ZFHX3: variants seen among roughly 807,000 people sequenced by gnomAD.
ZFHX3 encodes zinc finger homeobox 3.
A neutral mutation model predicts 279.1 loss-of-function variants in ZFHX3; 42 were observed. The ratio of observed to expected loss-of-function variants is 0.15; its 90% CI spans 0.12 to 0.19. The LOEUF (loss-of-function observed/expected upper bound fraction) is 0.19, where lower values mean the gene tolerates loss of function less well. ZFHX3 is among the 10% of genes least tolerant of loss of function. ZFHX3 has a pLI of 1.00. For synonymous variants in ZFHX3, 2,293 were observed against 1,957.8 expected (o/e 1.17, Z -4.52); for missense variants, 4,981 against 4,754.0 (o/e 1.05, Z -1.40).
At chr16:73,592,092 C>T (rs375931486) in intron 2 of ZFHX3, among the ~76,000 whole-genome samples, 5 of 151,706 alleles carry the variant, frequency 3.3e-5, no homozygotes, top group Non-Finnish European at 7.4e-5. Context: ...ATTAGCTGGG[C>T]GTGGTGGTGC....
chr16:73,774,943 A>G lies in ZFHX3; in HGVS notation c.-1607-94703T>C, dbSNP rs139996229. ...TTCAAAATTCATCTTACATCCTTTTACGTCTCCCTATCTCCAATCCAGGAC... is the reference window on the plus strand; with the variant it reads ...TTCAAAATTCATCTTACATCCTTTTGCGTCTCCCTATCTCCAATCCAGGAC... On this transcript the variant is annotated intron_variant, in intron 1 of 17. Coordinates refer to the ZFHX3 transcript ENST00000641206. Among the ~76,000 whole-genome samples the G allele has an allele frequency of 6.7e-3, 1,014 of 152,164 alleles. 11 individuals are homozygous for G. The highest frequency in any genetic ancestry group is 0.023 in the African/African-American group (956 of 41,512).
chr16:73,356,039 T>C (rs911011995), intron 3 of ZFHX3, among the ~76,000 whole-genome samples: 3 of 152,174 alleles, frequency 2.0e-5, no homozygotes, highest in Non-Finnish European at 4.4e-5. Flanking sequence ...TTAGAATTCA[T>C]CCCAGAGACC....
At chr16:73,172,088 C>A (rs1967540768) in intron 5 of ZFHX3, among the ~76,000 whole-genome samples, 1 of 152,224 alleles carries the variant, frequency 6.6e-6, no homozygotes, top group South Asian at 2.1e-4. Flanking sequence ...CTCCTCCACC[C>A]GCCTGCCGGG....
intron 4 of ZFHX3, among the ~76,000 whole-genome samples, chr16:72,870,681 G>A (rs1402605832): frequency 2.3e-5 from 3 of 133,284 alleles, no homozygotes; most frequent in African/African-American, 8.9e-5. Flanking sequence ...TCGCACCACT[G>A]CACTCCAGCC....
At chr16:72,912,144 C>T (rs1483191458) in intron 3 of ZFHX3, among the ~76,000 whole-genome samples, 29 of 152,222 alleles carry the variant, frequency 1.9e-4, no homozygotes, top group South Asian at 2.1e-4. Context: ...GCAGCCCAGA[C>T]GCTGGCTGAA....
intron 1 of ZFHX3, among the ~76,000 whole-genome samples, chr16:73,686,458 C>A (rs574227432): frequency 1.3e-5 from 2 of 152,278 alleles, no homozygotes; most frequent in East Asian, 3.9e-4. Context: ...GGGTGTCTTG[C>A]ATAACACGTT....
intron 3 of ZFHX3, among the ~76,000 whole-genome samples, chr16:73,380,246 GC>G (rs1330671446): frequency 6.6e-6 from 1 of 152,146 alleles, no homozygotes; most frequent in African/African-American, 2.4e-5. Flanking sequence ...GGAAAAAAGA[GC>G]TTAAAATACA....
intron 3 of ZFHX3, among the ~76,000 whole-genome samples, chr16:73,427,435 G>C (rs1350360703): frequency 6.6e-6 from 1 of 152,160 alleles, no homozygotes; most frequent in Non-Finnish European, 1.5e-5. Context: ...CTGCCACCCA[G>C]CTCGCTAACG....
In ZFHX3 at chr16:73,812,865, G is replaced by A. The variant is rs185225185; in HGVS notation, c.-1608+78786C>T. On this transcript the variant is annotated intron_variant, in intron 1 of 17. Coordinates refer to the ZFHX3 transcript ENST00000641206. ...CTCTTTGGGCAAACTCCCAATATGG[G>A]AGCAGCCTTAATCTCCTTATGCCTG... is the stretch of plus-strand genomic sequence containing the variant. 2.6e-5 allele frequency among the ~76,000 whole-genome samples: 4 copies of A among 152,300 alleles called. No individual in the cohort carries two copies. The East Asian group carries it at 7.7e-4, about 29-fold the overall frequency.
At chr16:73,005,136 T>C (rs1362831969) in intron 1 of ZFHX3, among the ~76,000 whole-genome samples, 1 of 152,238 alleles carries the variant, frequency 6.6e-6, no homozygotes, top group Non-Finnish European at 1.5e-5. Flanking sequence ...CACTATAAAA[T>C]GAACTATTAG....
At chr16:73,568,778 T>G (rs2020486349) in intron 2 of ZFHX3, among the ~76,000 whole-genome samples, 1 of 152,112 alleles carries the variant, frequency 6.6e-6, no homozygotes, top group African/African-American at 2.4e-5. Flanking sequence ...TCTTGCAAAT[T>G]TCTTTGGTGG....
At chr16:73,261,921 C>T (rs1280433716) in intron 4 of ZFHX3, among the ~76,000 whole-genome samples, 2 of 152,046 alleles carry the variant, frequency 1.3e-5, no homozygotes. Context: ...GTGATCCACC[C>T]ACCTTGGTCT....
chr16:72,819,119 T>C (rs1030761350), intron 5 of ZFHX3, among the ~76,000 whole-genome samples: 1 of 152,202 alleles, frequency 6.6e-6, no homozygotes, highest in African/African-American at 2.4e-5. Context: ...AGAGGACCCA[T>C]GTACACTTCA....
rs2053732173 is a variant in ZFHX3 at position 73,749,075 on chromosome 16, A to C, written c.-1607-68835T>G. 2.0e-5 allele frequency among the ~76,000 whole-genome samples: 3 copies of C among 152,056 alleles called. No homozygotes were observed. In the South Asian group the frequency reaches 6.2e-4, roughly 32 times the overall value. On this transcript the variant is annotated intron_variant, in intron 1 of 17. Transcript: ENST00000641206. ...AGTGCTTGGATTACAGGTGTGAGCC[A>C]CCATGCCCGGCCCCAAACTCACCTT...
intron 2 of ZFHX3, among the ~76,000 whole-genome samples, chr16:73,578,851 G>A (rs917759614): frequency 2.0e-5 from 3 of 151,992 alleles, no homozygotes. Flanking sequence ...TATATTTTAT[G>A]TCTATGTAAA....
intron 5 of ZFHX3, among the ~76,000 whole-genome samples, chr16:73,247,000 G>A (rs777410282): frequency 1.2e-4 from 18 of 152,266 alleles, no homozygotes; most frequent in Non-Finnish European, 2.1e-4. Flanking sequence ...TATGTGACAC[G>A]TCTGTGTGCC....
At position 72,798,483 on chromosome 16, in the gene ZFHX3, T is replaced by C. The variant is rs2143467670; in HGVS notation, c.4199A>G (p.Lys1400Arg). 2.5e-6 allele frequency: 4 copies of C among 1,614,206 alleles called. No individual in the cohort carries two copies. In the Middle Eastern group the frequency reaches 4.9e-4, roughly 200 times the overall value. The change falls in exon 9 of 10, where the codon AAG becomes AGG. Residue 1400 changes from lysine (K) to arginine (R), a missense_variant. Around this residue, in one of 7 missense-constraint regions of ZFHX3, gnomAD observed 1,751 missense variants for 1,770.0 expected, o/e 0.99. Transcript: ENST00000268489. The stretch of plus-strand genomic sequence containing the variant: ...CAGGCTACACTGATTACAGCGGTAC[T>C]TGTACACATGGCGATCTGACACCGG... Reference protein sequence around the residue: ...QLPVSDRHVYKYRCNQCSLAF... With the variant: ...QLPVSDRHVYRYRCNQCSLAF...
In ZFHX3 at chr16:72,938,640, A is replaced by G. The variant is rs567231499; in HGVS notation, c.3216+11829T>C. On this transcript the variant is annotated intron_variant, in intron 3 of 9. Coordinates refer to ENST00000268489, the MANE Select transcript of ZFHX3 (RefSeq NM_006885.4). The stretch of plus-strand genomic sequence containing the variant: ...ACTCACCACCTCAGAGCAAATCGGC[A>G]CGCCCCCAAGGCATGAGTTTTGGAT... 3.3e-5 allele frequency among the ~76,000 whole-genome samples: 5 copies of G among 152,342 alleles called. No individual in the cohort carries two copies. The East Asian group carries it at 7.7e-4, about 24-fold the overall frequency.
intron 1 of ZFHX3, among the ~76,000 whole-genome samples, chr16:73,740,571 A>T (rs1393094444): frequency 6.6e-6 from 1 of 152,238 alleles, no homozygotes; most frequent in Non-Finnish European, 1.5e-5. Flanking sequence ...TCAGCAAGAC[A>T]TCATCCATAA....
Sources: allele counts gnomAD v4.1 joint callset (sites outside exome capture counted in the v4.1 genomes callset), GRCh38; gene constraint gnomAD v4.1.1; regional missense constraint gnomAD v4.1.1; transcripts MANE v1.5; gene names NCBI Gene and HGNC (gene_info 2026-07-23, HGNC 2026-07-21).